The following CACNA1I variants were observed in gnomAD, a reference collection of about 807,000 sequenced individuals.
CACNA1I encodes the protein calcium voltage-gated channel subunit alpha1 I.
In CACNA1I, 74 loss-of-function variants were observed where a neutral mutation model predicts 201.6. That is an observed-to-expected ratio of 0.37 (90% CI 0.30 to 0.45). The LOEUF is 0.45. Ranked by LOEUF, CACNA1I falls within the 20% of genes least tolerant of loss-of-function variation. The probability of loss-of-function intolerance (pLI) is 1.00; values close to 1 mark genes in which losing one functional copy is unlikely to be tolerated. For synonymous variants in CACNA1I, 1,431 were observed against 1,345.2 expected (o/e 1.06, Z -1.40); for missense variants, 2,346 against 3,138.1 (o/e 0.75, Z 6.03).
At chr22:39,606,532 T>C (rs1933226004) in intron 3 of CACNA1I, among the ~76,000 whole-genome samples, 1 of 152,168 alleles carries the variant, frequency 6.6e-6, no homozygotes, top group East Asian at 1.9e-4. Flanking sequence ...CCCAACTCTT[T>C]TATTTATTAT....
intron 4 of CACNA1I, among the ~76,000 whole-genome samples, chr22:39,628,187 A>G (rs918726314): frequency 6.6e-6 from 1 of 152,182 alleles, no homozygotes; most frequent in Non-Finnish European, 1.5e-5. Flanking sequence ...TAACTGACTC[A>G]TGGATCGATT....
At chr22:39,668,211 A>C in intron 23 of CACNA1I, 81 bp from the exon 24 acceptor site, 2 of 810,818 alleles carry the variant, frequency 2.5e-6, no homozygotes, top group Admixed American at 3.9e-5. Flanking sequence ...GGGCAGAAGA[A>C]TAGAGAGCTG....
At chr22:39,682,351 G>A (rs1450667293) in intron 34 of CACNA1I, 145 bp from the exon 35 acceptor site, 9 of 628,560 alleles carry the variant, frequency 1.4e-5, no homozygotes, top group South Asian at 2.2e-5. Context: ...TTGGAAGATG[G>A]TCAGGTAGAG....
rs1447241913 is a variant in CACNA1I, at chr22:39,685,787, C to T, written c.6054C>T (p.Asp2018=). ...CCACCGGGAGCGACACGTCGCTGGACGCCAGCCCCAGCAGCTCCGCGGGCA... is the reference window on the plus strand; with the variant it reads ...CCACCGGGAGCGACACGTCGCTGGATGCCAGCCCCAGCAGCTCCGCGGGCA... The part of the protein sequence containing the change: ...RQATGSDTSL[D]ASPSSSAGSL... Residue 2018 remains aspartate (D), a synonymous_variant, in exon 37 of 37, where the codon GAC becomes GAT. Coordinates refer to ENST00000402142, the MANE Select transcript of CACNA1I (RefSeq NM_021096.4). This position sits in a 1 kb window ranked among gnomAD's most constrained non-coding sequence, Gnocchi z 5.0. 3.3e-6 allele frequency: 5 copies of T among 1,494,186 alleles called. No individual in the cohort carries two copies. The highest frequency in any genetic ancestry group is 2.1e-5 in the Admixed American group (1 of 46,976). 92.6% of individuals were successfully genotyped at this position (1,494,186 alleles called of 1,614,324 possible).
chr22:39,628,544 C>G (rs564715035), intron 4 of CACNA1I, among the ~76,000 whole-genome samples: 53 of 152,226 alleles, frequency 3.5e-4, no homozygotes, highest in Admixed American at 1.4e-3. Context: ...GGGAAGTGAG[C>G]TGCTGGCTGG....
At chr22:39,631,307 G>C (rs1169086977) in intron 4 of CACNA1I, among the ~76,000 whole-genome samples, 1 of 152,204 alleles carries the variant, frequency 6.6e-6, no homozygotes, top group Non-Finnish European at 1.5e-5. Context: ...GGTGTCCTGA[G>C]GACTCCAGGG....
At position 39,600,580 on chromosome 22, in the gene CACNA1I, C is replaced by T; in HGVS notation, c.409C>T (p.Leu137=). 1.2e-6 allele frequency: 2 copies of T among 1,611,806 alleles called. No individual in the cohort carries two copies. The highest frequency in any genetic ancestry group is 1.7e-6 in the Non-Finnish European group (2 of 1,179,016). ...AMEMVLKMVA[L]GIFGKKCYLG... ...GGAGATGGTGCTCAAGATGGTGGCCCTGGGGATTTTTGGCAAGAAGTGCTA... is the reference window on the plus strand; with the variant it reads ...GGAGATGGTGCTCAAGATGGTGGCCTTGGGGATTTTTGGCAAGAAGTGCTA... Residue 137 remains leucine, a synonymous_variant, in exon 3 of 37, where the codon CTG becomes TTG. Coordinates refer to ENST00000402142, the MANE Select transcript of CACNA1I (RefSeq NM_021096.4).
chr22:39,579,517 G>T (rs1932479886), intron 1 of CACNA1I, among the ~76,000 whole-genome samples: 1 of 152,224 alleles, frequency 6.6e-6, no homozygotes, highest in Non-Finnish European at 1.5e-5. Context: ...TCTGCAGGCT[G>T]TACAAGAAGT....
Position 39,646,738 on chromosome 22 carries a change from A to T in CACNA1I, c.1319A>T (p.Gln440Leu), listed in dbSNP as rs1054860890. ...EPGDCYEEIF[Q>L]YVCHILRKAK... is the part of the protein sequence containing the mutation. ...GGCGACTGCTACGAGGAGATCTTCC[A>T]GTATGTCTGCCACATCCTGCGCAAG... is the stretch of plus-strand genomic sequence containing the variant. Residue 440 changes from glutamine to leucine, a missense_variant, in exon 8 of 37, where the codon CAG (glutamine) becomes CTG (leucine). Physicochemically the swap from Gln to Leu is moderately radical, Grantham distance 113 (BLOSUM62 -2). Coordinates refer to ENST00000402142, the MANE Select transcript of CACNA1I (RefSeq NM_021096.4). 6.3e-7 allele frequency: 1 copy of T among 1,598,178 alleles called. No homozygotes were observed. The highest frequency in any genetic ancestry group is 1.3e-5 in the African/African-American group (1 of 74,628).
At chr22:39,607,324 A>G (rs773743168) in intron 3 of CACNA1I, among the ~76,000 whole-genome samples, 2 of 152,200 alleles carry the variant, frequency 1.3e-5, no homozygotes, top group Non-Finnish European at 2.9e-5. Context: ...CCCCTTCTCA[A>G]TGTTCCTCCA....
At position 39,663,851 on chromosome 22, in the gene CACNA1I, T is replaced by C; in HGVS notation, c.3597+10T>C. 1.2e-6 allele frequency: 2 copies of C among 1,613,270 alleles called. No homozygotes were observed. The highest frequency in any genetic ancestry group is 1.1e-5 in the South Asian group (1 of 91,074). On this transcript the variant is annotated intron_variant, in intron 19 of 36. Coordinates refer to ENST00000402142, the MANE Select transcript of CACNA1I (RefSeq NM_021096.4). The stretch of plus-strand genomic sequence containing the variant: ...CGAGGCCGGCAGCACCGTGAGTGGC[T>C]GTAGCCTTTGGGCAGGGCAGGCGCC...
chr22:39,632,725 A>G (rs1467947864), intron 4 of CACNA1I, among the ~76,000 whole-genome samples: 2 of 152,234 alleles, frequency 1.3e-5, no homozygotes, highest in East Asian at 3.9e-4. Context: ...GAATGAATGA[A>G]TGAACGATGG....
At position 39,664,858 on chromosome 22, in the gene CACNA1I, C is replaced by T. The variant is rs1224450230; in HGVS notation, c.3786C>T (p.Ala1262=). 2 of 1,613,104 alleles carry T rather than the reference C, an allele frequency of 1.2e-6. No individual in the cohort carries two copies. The highest frequency in any genetic ancestry group is 8.5e-7 in the Non-Finnish European group (1 of 1,179,840). ...ACATCGTGGTGTCCCTGGCCTCAGC[C>T]GGGGGAGCCAAGATCTTGGGGGTCC... is the stretch of plus-strand genomic sequence containing the variant. ...IIDIVVSLAS[A]GGAKILGVLR... is the part of the protein sequence containing the mutation. The change falls in exon 21 of 37, where the codon GCC becomes GCT. Residue 1262 remains alanine (A), a synonymous_variant. Transcript: ENST00000402142.
At chr22:39,641,622 G>A (rs1373526953) in intron 6 of CACNA1I, among the ~76,000 whole-genome samples, 1 of 152,220 alleles carries the variant, frequency 6.6e-6, no homozygotes. Flanking sequence ...CTGGTACAGG[G>A]AGTGCCAAGT....
At chr22:39,627,821 C>G (rs776975178) in intron 4 of CACNA1I, among the ~76,000 whole-genome samples, 6 of 152,146 alleles carry the variant, frequency 3.9e-5, no homozygotes, top group Admixed American at 1.3e-4. Context: ...CCACTTCATC[C>G]TGAGGGAGAA....
rs115112309 is a variant in CACNA1I, at chr22:39,629,692, C to T, written c.581-4873C>T. ...CAGCTCTCCTGGGCCCCACACTCAG[C>T]GCTCCGGTTTCTGTCCCACGTGAGA... On this transcript the variant is annotated intron_variant, in intron 4 of 36. Transcript: ENST00000402142. The surrounding 1 kb of genome is among the most constrained non-coding windows in gnomAD (Gnocchi z 4.8). Among the ~76,000 whole-genome samples, 4,278 of 152,194 alleles carry T rather than the reference C, an allele frequency of 0.028. 218 individuals carry two copies. Among genetic ancestry groups the T allele is most frequent in the African/African-American group, 0.097 (4,014 of 41,504 alleles).
intron 26 of CACNA1I, 79 bp from the exon 27 acceptor site, chr22:39,672,120 G>A (rs948100570): frequency 5.8e-5 from 49 of 838,134 alleles, no homozygotes; most frequent in Non-Finnish European, 9.3e-5. Flanking sequence ...CTCCTTAAAA[G>A]GCAGAGACTT....
chr22:39,671,510 C>T (rs895031498), intron 26 of CACNA1I, among the ~76,000 whole-genome samples: 3 of 152,160 alleles, frequency 2.0e-5, no homozygotes, highest in African/African-American at 7.2e-5. Context: ...TTCAGGCAAA[C>T]ACTGGGGGTG....
intron 10 of CACNA1I, among the ~76,000 whole-genome samples, chr22:39,654,515 T>G (rs1934755469): frequency 6.6e-6 from 1 of 152,200 alleles, no homozygotes; most frequent in South Asian, 2.1e-4. Context: ...TCAAGGCCTC[T>G]GAATCAGTGG....
Sources: gnomAD v4.1 joint callset for allele counts (sites outside exome capture counted in the v4.1 genomes callset) on GRCh38, gnomAD v4.1.1 for gene constraint, Gnocchi (gnomAD v3.1) non-coding constraint, MANE v1.5 for transcripts, NCBI Gene and HGNC (gene_info 2026-07-23, HGNC 2026-07-21) for gene names.